Variants in TARS3 observed in about 807,000 individuals in gnomAD.
TARS3 encodes threonyl-tRNA synthetase 3.
TARS3 carries 94 observed loss-of-function variants against 103.5 expected under a neutral mutation model. The ratio of observed to expected loss-of-function variants is 0.91; its 90% CI spans 0.77 to 1.08. The LOEUF is 1.08. TARS3 is among the 50% of genes least tolerant of loss of function. The probability of loss-of-function intolerance (pLI) is 0.00; values close to 1 mark genes in which losing one functional copy is unlikely to be tolerated. For missense variants in TARS3, 952 were observed against 995.2 expected (o/e 0.96, Z 0.58); for synonymous variants, 416 against 355.4 (o/e 1.17, Z -1.92).
chr15:101,697,831 A>C (rs968922866), intron 10 of TARS3, among the ~76,000 whole-genome samples: 1 of 152,154 alleles, frequency 6.6e-6, no homozygotes, highest in African/African-American at 2.4e-5. Flanking sequence ...GCAGTGTACT[A>C]TTGTCTCACA....
At position 101,684,145 on chromosome 15, in the gene TARS3, G is replaced by A. The variant is rs200095766; in HGVS notation, c.1580C>T (p.Thr527Ile). 8 of 1,613,910 alleles carry A rather than the reference G, an allele frequency of 5.0e-6. No individual in the cohort carries two copies. Among genetic ancestry groups the A allele is most frequent in the Non-Finnish European group, 6.8e-6 (8 of 1,179,968 alleles). ...CCTCACTCTGGTCAAGCCGCTGAGA[G>A]TCCCCGACAGTTCATTTCTATGCAG... Reference protein sequence around the residue: ...GVLHRNELSGTLSGLTRVRRF... With the variant: ...GVLHRNELSGILSGLTRVRRF... The change falls in exon 12 of 19, where the codon ACT becomes ATT. Residue 527 changes from threonine to isoleucine, a missense_variant. Physicochemically the swap from Thr to Ile is moderately conservative, Grantham distance 89. Around this residue, in one of 2 missense-constraint regions of TARS3, gnomAD observed 540 missense variants for 631.0 expected, o/e 0.86. Coordinates refer to ENST00000335968, the MANE Select transcript of TARS3 (RefSeq NM_152334.3).
chr15:101,708,928 G>T lies in TARS3; in HGVS notation c.813-18C>A. 3 of 1,475,588 alleles carry T rather than the reference G, an allele frequency of 2.0e-6. No individual in the cohort carries two copies. Among genetic ancestry groups the T allele is most frequent in the Non-Finnish European group, 2.8e-6 (3 of 1,087,870 alleles). 91.4% of individuals were successfully genotyped at this position (1,475,588 alleles called of 1,614,324 possible). ...ACACTGCTCTAAAAAGAAGAGCAGA[G>T]AACCGACATCCATCTTCCAGACATT... On this transcript the variant is annotated intron_variant, in intron 5 of 18. Transcript: ENST00000335968.
Position 101,654,653 on chromosome 15 carries a change from C to T in TARS3, c.2338G>A (p.Val780Ile), listed in dbSNP as rs759947099. The change falls in exon 19 of 19, where the codon GTA becomes ATA. Residue 780 changes from valine to isoleucine, a missense_variant. Around this residue, in one of 2 missense-constraint regions of TARS3, gnomAD observed 540 missense variants for 631.0 expected, o/e 0.86. Coordinates refer to ENST00000335968, the MANE Select transcript of TARS3 (RefSeq NM_152334.3). ...TTCAGTTTATCAATGGCAGAAGTTA[C>T]TAAAATCTCTCCATGAATTTTGTTG... is the stretch of plus-strand genomic sequence containing the variant. ...RDNKIHGEIL[V>I]TSAIDKLKNL... The T allele has an allele frequency of 6.2e-7, 1 of 1,614,184 alleles. No homozygotes were observed. The highest frequency in any genetic ancestry group is 8.5e-7 in the Non-Finnish European group (1 of 1,180,004).
chr15:101,693,105 G>T (rs529550415), intron 10 of TARS3, among the ~76,000 whole-genome samples: 1 of 152,282 alleles, frequency 6.6e-6, no homozygotes, highest in South Asian at 2.1e-4. Context: ...CACAGCTGGT[G>T]GGAATGCAAA....
At chr15:101,720,988 A>G (rs1265390245) in intron 3 of TARS3, 138 bp downstream of exon 3, 22 of 755,830 alleles carry the variant, frequency 2.9e-5, no homozygotes, top group Admixed American at 7.6e-5. Flanking sequence ...TTCTTCCTTT[A>G]TAAATAACCC....
intron 17 of TARS3, 45 bp from the exon 18 acceptor site, chr15:101,657,081 G>T: frequency 7.6e-7 from 1 of 1,310,828 alleles, no homozygotes; most frequent in Non-Finnish European, 1.1e-6. Context: ...ATGGTACCTA[G>T]CCTCCAAGAA....
intron 10 of TARS3, among the ~76,000 whole-genome samples, chr15:101,690,272 C>T (rs1045905342): frequency 1.2e-4 from 18 of 152,162 alleles, no homozygotes; most frequent in East Asian, 3.8e-4. Flanking sequence ...CTGTGGGCTC[C>T]GCACAAGGCT....
At chr15:101,699,631 T>TG (rs1899156905) in intron 10 of TARS3, among the ~76,000 whole-genome samples, 1 of 152,184 alleles carries the variant, frequency 6.6e-6, no homozygotes, top group Non-Finnish European at 1.5e-5. Flanking sequence ...TCTTCAGTGA[T>TG]TCTTCAAGTC....
At chr15:101,721,518 G>A (rs1900458984) in intron 2 of TARS3, among the ~76,000 whole-genome samples, 196 bp from the exon 3 acceptor site, 1 of 152,104 alleles carries the variant, frequency 6.6e-6, no homozygotes, top group African/African-American at 2.4e-5. Flanking sequence ...GTTTTGAGAT[G>A]GAGTCTTGCT....
intron 2 of TARS3, 109 bp downstream of exon 2, chr15:101,722,984 A>C: frequency 1.9e-6 from 2 of 1,073,534 alleles, no homozygotes; most frequent in South Asian, 2.8e-5. Flanking sequence ...ATGTGACCCA[A>C]ATAATAATTT....
At chr15:101,677,198 T>G (rs1390556912) in intron 12 of TARS3, among the ~76,000 whole-genome samples, 1 of 152,148 alleles carries the variant, frequency 6.6e-6, no homozygotes, top group Non-Finnish European at 1.5e-5. Context: ...TGCCTGTGAG[T>G]GCGTTTCTCG....
intron 7 of TARS3, among the ~76,000 whole-genome samples, chr15:101,704,448 T>C (rs967041002): frequency 2.0e-5 from 3 of 152,124 alleles, no homozygotes; most frequent in Middle Eastern, 3.4e-3. Flanking sequence ...AGGTCAGGCA[T>C]TCGAGACCAG....
intron 3 of TARS3, among the ~76,000 whole-genome samples, chr15:101,716,265 G>GT (rs895851192): frequency 4.0e-5 from 6 of 151,474 alleles, no homozygotes; most frequent in South Asian, 2.1e-4. Flanking sequence ...CTTTCTTTCT[G>GT]TTTTTTTGGG....
chr15:101,690,503 A>C (rs1416808218), intron 10 of TARS3, among the ~76,000 whole-genome samples: 1 of 152,210 alleles, frequency 6.6e-6, no homozygotes, highest in Non-Finnish European at 1.5e-5. Flanking sequence ...TGCAAACACA[A>C]AACACACATA....
intron 10 of TARS3, among the ~76,000 whole-genome samples, chr15:101,687,124 A>G (rs1898508451): frequency 6.6e-6 from 1 of 151,998 alleles, no homozygotes; most frequent in Non-Finnish European, 1.5e-5. Flanking sequence ...CTTAACAGGT[A>G]GGGTGTGGTG....
intron 15 of TARS3, among the ~76,000 whole-genome samples, chr15:101,662,961 A>G (rs546726754): frequency 1.3e-5 from 2 of 152,178 alleles, no homozygotes; most frequent in Non-Finnish European, 2.9e-5. Flanking sequence ...TTACAATTAT[A>G]TTAGATTAAT....
At chr15:101,670,444 A>T (rs1455480142) in intron 15 of TARS3, among the ~76,000 whole-genome samples, 1 of 152,230 alleles carries the variant, frequency 6.6e-6, no homozygotes, top group Non-Finnish European at 1.5e-5. Context: ...CCACTAAAAA[A>T]CATGTAAAAT....
Position 101,711,980 on chromosome 15 carries a change from G to A in TARS3, c.712C>T (p.His238Tyr), listed in dbSNP as rs755015711. 6.2e-7 allele frequency: 1 copy of A among 1,613,702 alleles called. No homozygotes were observed. The highest frequency in any genetic ancestry group is 1.1e-5 in the South Asian group (1 of 91,014). The change falls in exon 5 of 19, where the codon CAC (histidine) becomes TAC (tyrosine). Residue 238 changes from histidine to tyrosine, a missense_variant. By Grantham distance (83) the His-to-Tyr change is moderately conservative (BLOSUM62 2). Coordinates refer to ENST00000335968, the MANE Select transcript of TARS3 (RefSeq NM_152334.3). ...AGCTCCATGGCCTCCCCAAGAATGTGAGCACTGGAGTGCCAGTACACCTGC... is the reference window on the plus strand; with the variant it reads ...AGCTCCATGGCCTCCCCAAGAATGTAAGCACTGGAGTGCCAGTACACCTGC... ...AQAVYWHSSA[H>Y]ILGEAMELYY...
intron 5 of TARS3, among the ~76,000 whole-genome samples, chr15:101,710,823 AG>A (rs367602390): frequency 4.4e-4 from 65 of 147,320 alleles, no homozygotes; most frequent in African/African-American, 7.2e-4. Context: ...AGAGAAGGAG[AG>A]GGGGGTGGGA....
Sources: gnomAD v4.1 joint callset for allele counts (sites outside exome capture counted in the v4.1 genomes callset) on GRCh38, gnomAD v4.1.1 for gene constraint, gnomAD v4.1.1 regional missense constraint, MANE v1.5 for transcripts, NCBI Gene and HGNC (gene_info 2026-07-23, HGNC 2026-07-21) for gene names.